GRIK2: variants seen among roughly 807,000 people sequenced by gnomAD.
GRIK2 encodes the protein glutamate receptor ionotropic, kainate 2.
GRIK2 carries 32 observed loss-of-function variants against 100.3 expected under a neutral mutation model. The observed-to-expected ratio is 0.32, with a 90% CI of 0.24 to 0.43. The LOEUF is 0.43. Among genes scored for constraint, GRIK2 ranks in the 20% least tolerant of loss-of-function variants. GRIK2 has a pLI of 1.00. For missense variants in GRIK2, 843 were observed against 1,114.9 expected, an observed-to-expected ratio of 0.76 and a Z score of 3.47; for synonymous variants, 417 against 389.4, an observed-to-expected ratio of 1.07 and a Z score of -0.83.
At chr6:101,514,362 C>A (rs1002530259) in intron 2 of GRIK2, among the ~76,000 whole-genome samples, 2 of 151,844 alleles carry the variant, frequency 1.3e-5, no homozygotes, top group African/African-American at 4.8e-5. Flanking sequence ...TTTTAAGGAG[C>A]AGATAGTTTA....
intron 2 of GRIK2, among the ~76,000 whole-genome samples, chr6:101,523,956 A>C (rs1378237058): frequency 6.6e-6 from 1 of 152,090 alleles, no homozygotes; most frequent in African/African-American, 2.4e-5. Context: ...CCCTGACCTC[A>C]AGCGATCCAC....
chr6:101,963,344 C>T (rs1422700028), intron 14 of GRIK2, among the ~76,000 whole-genome samples: 1 of 104,578 alleles, frequency 9.6e-6, no homozygotes, highest in East Asian at 3.3e-4. Context: ...GTCGCCCAGG[C>T]TGGAGTGCAG....
At chr6:101,998,509 G>C (rs1794762695) in intron 14 of GRIK2, among the ~76,000 whole-genome samples, 1 of 151,886 alleles carries the variant, frequency 6.6e-6, no homozygotes, top group African/African-American at 2.4e-5. Context: ...TGCTGTTTCG[G>C]ATTGTGTTTT....
chr6:101,746,498 TG>T (rs1423887349), intron 7 of GRIK2, among the ~76,000 whole-genome samples: 14 of 152,116 alleles, frequency 9.2e-5, no homozygotes, highest in Admixed American at 9.2e-4. Flanking sequence ...GGCTAATTTT[TG>T]TATTTTTAGT....
chr6:101,479,890 A>AT (rs1277875335), intron 2 of GRIK2, among the ~76,000 whole-genome samples: 1 of 152,070 alleles, frequency 6.6e-6, no homozygotes, highest in African/African-American at 2.4e-5. Flanking sequence ...AAGGTTTTTT[A>AT]TTTGAAAAGA....
chr6:101,534,272 C>T (rs1298302207), intron 2 of GRIK2, among the ~76,000 whole-genome samples: 3 of 151,788 alleles, frequency 2.0e-5, no homozygotes, highest in African/African-American at 7.3e-5. Context: ...TGACTAGACA[C>T]TGGTATTAAA....
intron 11 of GRIK2, among the ~76,000 whole-genome samples, chr6:101,878,259 A>G (rs1269999795): frequency 2.6e-5 from 4 of 151,494 alleles, no homozygotes; most frequent in Non-Finnish European, 5.9e-5. Flanking sequence ...CCAATTTCCC[A>G]TGGAAATTAT....
At chr6:101,621,798 C>T in intron 2 of GRIK2, 151 bp from the exon 3 acceptor site, 1 of 397,456 alleles carries the variant, frequency 2.5e-6, no homozygotes, top group Non-Finnish European at 4.6e-6. Flanking sequence ...AAATCTCTCC[C>T]TCTCTCTCTC....
intron 2 of GRIK2, among the ~76,000 whole-genome samples, chr6:101,498,816 G>T (rs183299754): frequency 2.4e-3 from 360 of 152,202 alleles, no homozygotes; most frequent in Middle Eastern, 6.8e-3. Context: ...CATTTTGTAG[G>T]TTGCCTGTTC....
At chr6:101,805,616 G>A (rs1780950257) in intron 9 of GRIK2, among the ~76,000 whole-genome samples, 1 of 151,866 alleles carries the variant, frequency 6.6e-6, no homozygotes, top group Non-Finnish European at 1.5e-5. Flanking sequence ...TAACAAATAT[G>A]GAAGGAATGT....
intron 4 of GRIK2, among the ~76,000 whole-genome samples, chr6:101,665,896 G>T (rs1007459993): frequency 6.6e-6 from 1 of 152,094 alleles, no homozygotes; most frequent in African/African-American, 2.4e-5. Flanking sequence ...AGAGATGATT[G>T]AGGGAGGAGC....
At chr6:101,849,263 G>T (rs561430467) in intron 10 of GRIK2, among the ~76,000 whole-genome samples, 1 of 151,824 alleles carries the variant, frequency 6.6e-6, no homozygotes, top group African/African-American at 2.4e-5. Context: ...CTAACCCAAC[G>T]AAAAAGGGCA....
chr6:101,941,460 A>T (rs948273974), intron 14 of GRIK2, among the ~76,000 whole-genome samples: 2 of 152,068 alleles, frequency 1.3e-5, no homozygotes, highest in Non-Finnish European at 2.9e-5. Context: ...ATCAACATAC[A>T]TTCTCAGAAA....
chr6:101,761,995 C>T (rs1386172653), intron 7 of GRIK2, among the ~76,000 whole-genome samples: 10 of 88,920 alleles, frequency 1.1e-4, no homozygotes, highest in African/African-American at 6.9e-4. Context: ...CTTCCTTCCT[C>T]CCTTCTTTTC....
intron 2 of GRIK2, among the ~76,000 whole-genome samples, chr6:101,484,354 TGCCCCAAGACCTACTACA>T (rs1294788785): frequency 1.3e-5 from 2 of 152,198 alleles, no homozygotes; most frequent in Non-Finnish European, 2.9e-5. Context: ...GTTGAATATT[TGCCCCAAGACCTACTACA>T]GCCTGAATAT....
In GRIK2 at chr6:101,890,976, CATATATAT is replaced by C. The variant is rs61125711; in HGVS notation, c.1748+1134_1748+1141del. ...GAGATAAAAATACCTATAAAGTGTA[CATATATAT>C]ATATATATATATATATATATGTTTT... On this transcript the variant is annotated intron_variant, in intron 12 of 16. Transcript: ENST00000369134. 3.4e-3 allele frequency among the ~76,000 whole-genome samples: 500 copies of C among 146,820 alleles called. 3 individuals are homozygous for C. Among genetic ancestry groups the C allele is most frequent in the African/African-American group, 6.5e-3 (267 of 40,842 alleles).
chr6:101,926,213 T>G (rs1421307912), intron 13 of GRIK2, among the ~76,000 whole-genome samples: 7 of 149,496 alleles, frequency 4.7e-5, no homozygotes, highest in Non-Finnish European at 8.9e-5. Context: ...TTTTTTTTTT[T>G]TTTTTTCCCT....
intron 10 of GRIK2, among the ~76,000 whole-genome samples, chr6:101,842,351 T>G (rs1488277263): frequency 2.0e-5 from 3 of 152,172 alleles, no homozygotes; most frequent in African/African-American, 7.2e-5. Flanking sequence ...ATTCTACTCA[T>G]ACCTTTTTCT....
chr6:101,942,098 TA>T (rs202014256), intron 14 of GRIK2, among the ~76,000 whole-genome samples: 12 of 151,310 alleles, frequency 7.9e-5, no homozygotes, highest in Middle Eastern at 6.8e-3. Flanking sequence ...TATGTTAGGT[TA>T]AAAAAAAACA....
Sources: gnomAD v4.1 joint callset for allele counts (sites outside exome capture counted in the v4.1 genomes callset) on GRCh38, gnomAD v4.1.1 for gene constraint, MANE v1.5 for transcripts, NCBI Gene and HGNC (gene_info 2026-07-23, HGNC 2026-07-21) for gene names.